AXDND1: variants seen among roughly 807,000 people sequenced by gnomAD.
AXDND1 encodes the protein axonemal dynein light chain domain-containing protein 1.
In AXDND1, 110 loss-of-function variants were observed where a neutral mutation model predicts 137.5. The observed-to-expected ratio is 0.80, with a 90% confidence interval of 0.69 to 0.94. The LOEUF (loss-of-function observed/expected upper bound fraction) is 0.94. AXDND1 is among the 40% of genes least tolerant of loss of function. AXDND1 has a pLI of 0.00. For synonymous variants in AXDND1, 414 were observed against 399.7 expected, an observed-to-expected ratio of 1.04 and a Z score of -0.43; for missense variants, 1,191 against 1,169.8, an observed-to-expected ratio of 1.02 and a Z score of -0.26.
intron 12 of AXDND1, among the ~76,000 whole-genome samples, chr1:179,412,037 G>A (rs1447441384): frequency 6.6e-6 from 1 of 152,010 alleles, no homozygotes; most frequent in Admixed American, 6.6e-5. Flanking sequence ...TTTTTGTAGA[G>A]ATGGGATTTC....
chr1:179,382,808 A>G (rs1648595183), intron 7 of AXDND1, 52 bp downstream of exon 7: 2 of 1,360,088 alleles, frequency 1.5e-6, no homozygotes, highest in African/African-American at 1.4e-5. Context: ...ACCTATATAC[A>G]TACACATTTC....
intron 16 of AXDND1, chr1:179,457,105 T>C (rs12740270): frequency 0.12 from 146,565 of 1,220,890 alleles, 11,100 homozygotes; most frequent in East Asian, 0.36. Flanking sequence ...CATCCACCTT[T>C]TGTGGCCTTG....
At chr1:179,529,807 CT>C (rs948873685) in intron 23 of AXDND1, among the ~76,000 whole-genome samples, 1 of 152,192 alleles carries the variant, frequency 6.6e-6, no homozygotes, top group Non-Finnish European at 1.5e-5. Flanking sequence ...TGCAAGGCCA[CT>C]TTTGTTTCCT....
intron 23 of AXDND1, among the ~76,000 whole-genome samples, chr1:179,530,501 G>A (rs1275040836): frequency 6.6e-6 from 1 of 152,172 alleles, no homozygotes; most frequent in Non-Finnish European, 1.5e-5. Flanking sequence ...AGGAAACTAG[G>A]AGCCTGCAGC....
intron 25 of AXDND1, 77 bp from the exon 26 acceptor site, chr1:179,554,435 T>C: frequency 2.5e-6 from 4 of 1,612,018 alleles, no homozygotes; most frequent in Non-Finnish European, 2.5e-6. Flanking sequence ...CAGAATATTT[T>C]CCTTTATCAT....
At chr1:179,379,275 C>T (rs1457707193) in intron 5 of AXDND1, 122 bp from the exon 6 acceptor site, 3 of 1,024,852 alleles carry the variant, frequency 2.9e-6, no homozygotes, top group East Asian at 5.7e-5. Context: ...GTTATTTCTC[C>T]AATCAAAATT....
intron 14 of AXDND1, among the ~76,000 whole-genome samples, chr1:179,431,150 AT>A (rs1045606233): frequency 6.6e-6 from 1 of 150,946 alleles, no homozygotes; most frequent in Non-Finnish European, 1.5e-5. Flanking sequence ...ATTTAATTTT[AT>A]TTTTTTTTGA....
chr1:179,504,171 G>A (rs1329101856), intron 20 of AXDND1, among the ~76,000 whole-genome samples: 1 of 152,194 alleles, frequency 6.6e-6, no homozygotes, highest in African/African-American at 2.4e-5. Flanking sequence ...TGAATGAAAT[G>A]TCTGAGTTCT....
At chr1:179,481,858 T>C (rs1438189561) in intron 17 of AXDND1, among the ~76,000 whole-genome samples, 1 of 152,216 alleles carries the variant, frequency 6.6e-6, no homozygotes. Flanking sequence ...TTGGAAAGAA[T>C]AATTCCTGAG....
chr1:179,528,518 C>T, intron 23 of AXDND1, 87 bp downstream of exon 23: 1 of 799,148 alleles, frequency 1.3e-6, no homozygotes. Context: ...TTTAGCTACT[C>T]TAAGGGGACC....
rs75553253 is a variant in AXDND1 at position 179,505,392 on chromosome 1, C to G, written c.2389-3904C>G. Among the ~76,000 whole-genome samples the G allele has an allele frequency of 1.3e-4, 20 of 152,264 alleles. 1 individual carries two copies. The East Asian group carries it at 3.7e-3, about 28-fold the overall frequency. On this transcript the variant is annotated intron_variant, in intron 20 of 25. Transcript: ENST00000367618. ...TCTTGGCCAGGTGCAGTGGTTCATG[C>G]CTGTAATCCCAGCATTTTGGGAGGC...
intron 12 of AXDND1, among the ~76,000 whole-genome samples, chr1:179,418,168 A>C (rs1022578710): frequency 6.6e-6 from 1 of 151,692 alleles, no homozygotes; most frequent in African/African-American, 2.4e-5. Flanking sequence ...CTGGGTACTT[A>C]AGATTAGGGA....
intron 14 of AXDND1, 86 bp from the exon 15 acceptor site, chr1:179,432,177 TGTTA>T: frequency 7.1e-7 from 1 of 1,413,602 alleles, no homozygotes; most frequent in South Asian, 1.3e-5. Context: ...AGGAGAAATA[TGTTA>T]GTTGTTTAGT....
intron 25 of AXDND1, chr1:179,543,862 T>C (rs1322661481): frequency 6.6e-6 from 1 of 152,614 alleles, no homozygotes; most frequent in Non-Finnish European, 1.5e-5. Flanking sequence ...GTAAAACTGC[T>C]TTGTAAAATT....
chr1:179,495,914 T>A (rs965206930), intron 20 of AXDND1, among the ~76,000 whole-genome samples: 1 of 150,534 alleles, frequency 6.6e-6, no homozygotes, highest in Non-Finnish European at 1.5e-5. Flanking sequence ...TTTTTTTTTT[T>A]AGTCAGTAAT....
In AXDND1 at chr1:179,488,634, C is replaced by CTCTTTCTTT. The variant is rs376189496; in HGVS notation, c.2092-2904_2092-2903insTCTTTCTTT. Among the ~76,000 whole-genome samples, 74 of 105,248 alleles carry CTCTTTCTTT rather than the reference C, an allele frequency of 7.0e-4. 10 individuals carry two copies. The highest frequency in any genetic ancestry group is 2.2e-3 in the African/African-American group (56 of 25,650). 69.0% of individuals were successfully genotyped at this position (105,248 alleles called of 152,430 possible). On this transcript the variant is annotated intron_variant, in intron 18 of 25. Transcript: ENST00000367618. ...TTTCTTTCTTTCTCTCTCTCTCTCTCCTTTCTTTCTTTCTTTCTTTCTTTC... is the reference window on the plus strand; with the variant it reads ...TTTCTTTCTTTCTCTCTCTCTCTCTCTCTTTCTTTCTTTCTTTCTTTCTTTCTTTCTTTC...
intron 11 of AXDND1, among the ~76,000 whole-genome samples, chr1:179,402,315 A>C (rs1236870738): frequency 6.6e-6 from 1 of 152,014 alleles, no homozygotes; most frequent in Non-Finnish European, 1.5e-5. Context: ...TTTCGAGGTG[A>C]CTTCTATACT....
At chr1:179,434,571 C>G (rs993507287) in intron 15 of AXDND1, among the ~76,000 whole-genome samples, 1 of 152,182 alleles carries the variant, frequency 6.6e-6, no homozygotes, top group African/African-American at 2.4e-5. Context: ...TAAATGTAAT[C>G]TATCACATAA....
At position 179,541,021 on chromosome 1, in the gene AXDND1, C is replaced by A. The variant is rs192297079; in HGVS notation, c.3031+6059C>A. Among the ~76,000 whole-genome samples, 418 of 152,286 alleles carry A rather than the reference C, an allele frequency of 2.7e-3. 3 individuals are homozygous for A. The highest frequency in any genetic ancestry group is 9.8e-3 in the African/African-American group (406 of 41,562). ...AGCCTCAGCAATAGCGAACGCTCTT[C>A]CCCCGACCAAGCTCCAGCATCCCAG... On this transcript the variant is annotated intron_variant, in intron 25 of 25. Transcript: ENST00000367618.
Sources: gnomAD v4.1 joint callset for allele counts (sites outside exome capture counted in the v4.1 genomes callset) on GRCh38, gnomAD v4.1.1 for gene constraint, MANE v1.5 for transcripts, NCBI Gene and HGNC (gene_info 2026-07-23, HGNC 2026-07-21) for gene names.